RBMS1: variants seen among roughly 807,000 people sequenced by gnomAD.
The protein encoded by RBMS1 is RNA binding motif single stranded interacting protein 1.
A neutral mutation model predicts 62.3 loss-of-function variants in RBMS1; 17 were observed. That is an observed-to-expected ratio of 0.27 (90% CI 0.19 to 0.41). RBMS1 has a LOEUF of 0.41. Ranked by LOEUF, RBMS1 falls within the 10% of genes least tolerant of loss-of-function variation. The pLI is 1.00. For synonymous variants in RBMS1, 172 were observed against 170.0 expected, an observed-to-expected ratio of 1.01 and a Z score of -0.09; for missense variants, 334 against 504.5, an observed-to-expected ratio of 0.66 and a Z score of 3.24.
intron 1 of RBMS1, among the ~76,000 whole-genome samples, chr2:160,388,074 ATCCT>A (rs1694677894): frequency 6.6e-6 from 1 of 152,180 alleles, no homozygotes. Flanking sequence ...TCTGACGTCA[ATCCT>A]AAGCAAAGTA....
chr2:160,277,374 C>T lies in RBMS1; in HGVS notation c.1072G>A (p.Ala358Thr), dbSNP rs369578790. ...SLGSTGTYMP[A>T]TSAMQGAYLP... ...TAGGCTCCTTGCATAGCTGACGTTG[C>T]AGGCATGTACTAGAAAGAAGAATGA... is the stretch of plus-strand genomic sequence containing the variant. The change falls in exon 12 of 14, where the codon GCA becomes ACA. Residue 358 changes from alanine to threonine, a missense_variant. Ala to Thr is a moderately conservative substitution (Grantham distance 58, BLOSUM62 0). This residue lies in a region of RBMS1 where 182 missense variants were observed against 257.7 expected (regional missense o/e 0.71). Coordinates refer to ENST00000348849, the MANE Select transcript of RBMS1 (RefSeq NM_016836.4). 321 of 1,612,024 alleles carry T rather than the reference C, an allele frequency of 2.0e-4. No homozygotes were observed. The highest frequency in any genetic ancestry group is 2.6e-4 in the Non-Finnish European group (312 of 1,178,316).
At chr2:160,334,552 T>A (rs899871943) in intron 2 of RBMS1, among the ~76,000 whole-genome samples, 1 of 152,172 alleles carries the variant, frequency 6.6e-6, no homozygotes, top group Non-Finnish European at 1.5e-5. Context: ...ATTTGGTAGG[T>A]CCTCAGTAAC....
intron 1 of RBMS1, among the ~76,000 whole-genome samples, chr2:160,484,042 T>C (rs1055645350): frequency 6.6e-6 from 1 of 151,768 alleles, no homozygotes; most frequent in Non-Finnish European, 1.5e-5. Context: ...TCTCACTATG[T>C]TGCCCAGGCT....
chr2:160,325,873 T>C (rs1481618871), intron 2 of RBMS1, among the ~76,000 whole-genome samples: 1 of 152,196 alleles, frequency 6.6e-6, no homozygotes, highest in Admixed American at 6.5e-5. Context: ...GTAAATTTTA[T>C]ATGACATTTA....
At chr2:160,457,951 TGTTTG>T (rs1684309849) in intron 1 of RBMS1, among the ~76,000 whole-genome samples, 1 of 58,976 alleles carries the variant, frequency 1.7e-5, no homozygotes, top group Non-Finnish European at 4.2e-5. Context: ...GTTATTGGTT[TGTTTG>T]TTGTTGTTGT....
chr2:160,441,566 A>C (rs1178398327), intron 1 of RBMS1, among the ~76,000 whole-genome samples: 1 of 152,232 alleles, frequency 6.6e-6, no homozygotes, highest in African/African-American at 2.4e-5. Context: ...TCTATAAAAA[A>C]TTTAAAAAAT....
At chr2:160,331,867 G>A (rs919024462) in intron 2 of RBMS1, among the ~76,000 whole-genome samples, 2 of 152,200 alleles carry the variant, frequency 1.3e-5, no homozygotes, top group Non-Finnish European at 2.9e-5. Context: ...GAACTAGCCT[G>A]GGTCAGGGAG....
intron 2 of RBMS1, among the ~76,000 whole-genome samples, chr2:160,348,816 T>C (rs1692326354): frequency 6.6e-6 from 1 of 152,150 alleles, no homozygotes; most frequent in Non-Finnish European, 1.5e-5. Context: ...AAATTGACGA[T>C]TCATATAAGA....
chr2:160,388,950 AG>A (rs1694720443), intron 1 of RBMS1, among the ~76,000 whole-genome samples: 1 of 152,272 alleles, frequency 6.6e-6, no homozygotes, highest in African/African-American at 2.4e-5. Context: ...ATTCAGGCAT[AG>A]AGTAATTTCC....
chr2:160,366,640 T>C (rs1466788395), intron 2 of RBMS1, among the ~76,000 whole-genome samples: 1 of 152,222 alleles, frequency 6.6e-6, no homozygotes, highest in Non-Finnish European at 1.5e-5. Context: ...CAAATTTACT[T>C]TGGAACTTTA....
At chr2:160,402,224 G>A (rs970456195) in intron 1 of RBMS1, 1 of 152,196 alleles carries the variant, frequency 6.6e-6, no homozygotes, top group African/African-American at 2.4e-5. Context: ...GCATGCAAAT[G>A]GTAGAGCCAC....
intron 1 of RBMS1, among the ~76,000 whole-genome samples, chr2:160,438,663 C>T (rs908356184): frequency 6.6e-6 from 1 of 152,234 alleles, no homozygotes; most frequent in African/African-American, 2.4e-5. Context: ...CTACCTCTTT[C>T]TACACAGACA....
intron 6 of RBMS1, among the ~76,000 whole-genome samples, chr2:160,293,658 C>T (rs1399217202): frequency 6.6e-6 from 1 of 152,136 alleles, no homozygotes; most frequent in Non-Finnish European, 1.5e-5. Context: ...CACAGTTAGC[C>T]TTTGTCTTTG....
At chr2:160,407,224 G>A (rs913791690) in intron 1 of RBMS1, among the ~76,000 whole-genome samples, 1 of 151,974 alleles carries the variant, frequency 6.6e-6, no homozygotes. Flanking sequence ...TGCCCTCGCC[G>A]GCTCTCCGCT....
intron 4 of RBMS1, among the ~76,000 whole-genome samples, chr2:160,311,238 A>ATATCTATATATC (rs1559361436): frequency 8.4e-6 from 1 of 119,248 alleles, no homozygotes; most frequent in Non-Finnish European, 1.8e-5. Context: ...CTATCTATAT[A>ATATCTATATATC]TATATATATA....
chr2:160,444,667 C>T (rs1200744283), intron 1 of RBMS1, among the ~76,000 whole-genome samples: 1 of 152,206 alleles, frequency 6.6e-6, no homozygotes, highest in Non-Finnish European at 1.5e-5. Context: ...GAAGACCTTA[C>T]TCCTACTATG....
At chr2:160,399,344 A>G (rs1242661844) in intron 1 of RBMS1, among the ~76,000 whole-genome samples, 1 of 152,144 alleles carries the variant, frequency 6.6e-6, no homozygotes, top group Non-Finnish European at 1.5e-5. Flanking sequence ...CCTGTATTTC[A>G]GTATCTATAA....
At chr2:160,375,045 A>G (rs1693924453) in intron 1 of RBMS1, among the ~76,000 whole-genome samples, 1 of 152,168 alleles carries the variant, frequency 6.6e-6, no homozygotes, top group Admixed American at 6.5e-5. Flanking sequence ...TCAGGTCTTC[A>G]CGTGTGAAAT....
intron 1 of RBMS1, among the ~76,000 whole-genome samples, chr2:160,373,837 T>A (rs1693858016): frequency 6.6e-6 from 1 of 152,120 alleles, no homozygotes; most frequent in Non-Finnish European, 1.5e-5. Flanking sequence ...CTTATAATGG[T>A]GTAGTACAGT....
Sources: allele counts gnomAD v4.1 joint callset (sites outside exome capture counted in the v4.1 genomes callset), GRCh38; gene constraint gnomAD v4.1.1; regional missense constraint gnomAD v4.1.1; transcripts MANE v1.5; gene names NCBI Gene and HGNC (gene_info 2026-07-23, HGNC 2026-07-21).